TTLL7: variants seen among roughly 807,000 people sequenced by gnomAD.
TTLL7 encodes tubulin tyrosine ligase like 7.
A neutral mutation model predicts 120.2 loss-of-function variants in TTLL7; 53 were observed. That is an observed-to-expected ratio of 0.44 (90% CI 0.35 to 0.55). TTLL7 has a LOEUF of 0.55. TTLL7 is among the 20% of genes least tolerant of loss of function. The pLI is 0.00. For missense variants in TTLL7, 803 were observed against 1,054.7 expected, an observed-to-expected ratio of 0.76 and a Z score of 3.31; for synonymous variants, 353 against 351.7, an observed-to-expected ratio of 1.00 and a Z score of -0.04.
chr1:83,975,346 C>G (rs988650144), intron 1 of TTLL7, among the ~76,000 whole-genome samples: 7 of 152,054 alleles, frequency 4.6e-5, no homozygotes, highest in Non-Finnish European at 7.4e-5. Context: ...CAGTCAAGTT[C>G]GAGACCCACT....
intron 1 of TTLL7, among the ~76,000 whole-genome samples, chr1:83,977,672 G>A (rs1186451866): frequency 1.3e-5 from 2 of 152,078 alleles, no homozygotes; most frequent in Non-Finnish European, 2.9e-5. Flanking sequence ...CATATGCCAA[G>A]TATTTCCCCT....
chr1:83,989,686 GT>G (rs1000696391), intron 1 of TTLL7, among the ~76,000 whole-genome samples: 1 of 151,998 alleles, frequency 6.6e-6, no homozygotes, highest in African/African-American at 2.4e-5. Flanking sequence ...TTTTTGTTTT[GT>G]TTTGTTTTTT....
At chr1:83,912,626 G>T (rs187919738) in intron 14 of TTLL7, 2 of 152,226 alleles carry the variant, frequency 1.3e-5, no homozygotes, top group Admixed American at 6.6e-5. Flanking sequence ...TAAAAATAAA[G>T]ACAGAAATAG....
At chr1:83,994,701 G>A (rs1026041513) in intron 1 of TTLL7, among the ~76,000 whole-genome samples, 1 of 152,186 alleles carries the variant, frequency 6.6e-6, no homozygotes, top group African/African-American at 2.4e-5. Context: ...TCTGTCAACT[G>A]TCCCTCCCTT....
intron 20 of TTLL7, among the ~76,000 whole-genome samples, chr1:83,870,530 C>G (rs1332266281): frequency 1.3e-5 from 2 of 152,030 alleles, no homozygotes; most frequent in Admixed American, 6.6e-5. Flanking sequence ...TATAGGTAAC[C>G]TAATAGAAAA....
In TTLL7 at chr1:83,890,421, C is replaced by T; in HGVS notation, c.2269G>A (p.Asp757Asn). The change falls in exon 19 of 21, where the codon GAT becomes AAT. Residue 757 changes from aspartate to asparagine, a missense_variant. By Grantham distance (23) the Asp-to-Asn change is conservative (BLOSUM62 1). Coordinates refer to ENST00000260505, the MANE Select transcript of TTLL7 (RefSeq NM_024686.6). ...TVLPRIWKVP[D>N]VEEVNLYRIF... Reference sequence around the variant, plus strand: ...CGATATAAATTTACTTCTTCAACATCAGGCACCTTCCAGATGCGTGGAAGA... The same window carrying T: ...CGATATAAATTTACTTCTTCAACATTAGGCACCTTCCAGATGCGTGGAAGA... The T allele has an allele frequency of 6.2e-7, 1 of 1,613,266 alleles. No individual in the cohort carries two copies. Among genetic ancestry groups the T allele is most frequent in the African/African-American group, 1.3e-5 (1 of 74,988 alleles).
At chr1:83,904,006 A>G (rs1483822089) in intron 18 of TTLL7, 73 bp downstream of exon 18, 4 of 1,120,104 alleles carry the variant, frequency 3.6e-6, no homozygotes, top group African/African-American at 3.1e-5. Flanking sequence ...CAGTCTGTCT[A>G]TGAATTTGGC....
rs1657288022 is a variant in TTLL7 at position 83,907,436 on chromosome 1, G to A, written c.1992+20C>T. ...TACAGAGCTCCCTGTAATCTTGAAA[G>A]AGCAAAACAGATGACCTACCACTTG... On this transcript the variant is annotated intron_variant, in intron 16 of 20. Transcript: ENST00000260505. 1.2e-6 allele frequency: 2 copies of A among 1,609,482 alleles called. No homozygotes were observed. The highest frequency in any genetic ancestry group is 1.7e-6 in the Non-Finnish European group (2 of 1,177,108).
intron 2 of TTLL7, 93 bp downstream of exon 2, chr1:83,952,094 G>C: frequency 6.9e-7 from 1 of 1,441,846 alleles, no homozygotes; most frequent in East Asian, 2.4e-5. Flanking sequence ...ACTTTAAAAA[G>C]TCCCCAATTA....
intron 1 of TTLL7, among the ~76,000 whole-genome samples, chr1:83,977,515 T>C (rs1651601157): frequency 1.3e-5 from 2 of 152,192 alleles, no homozygotes; most frequent in African/African-American, 2.4e-5. Context: ...TTTTACTTTA[T>C]GCAGCCTGAC....
intron 19 of TTLL7, among the ~76,000 whole-genome samples, chr1:83,888,714 T>G (rs565759744): frequency 6.7e-6 from 1 of 149,880 alleles, no homozygotes; most frequent in East Asian, 2.0e-4. Flanking sequence ...AAACAATGAG[T>G]TTTTTCTGGA....
chr1:83,945,412 T>C (rs1648390115), intron 6 of TTLL7, among the ~76,000 whole-genome samples: 1 of 152,202 alleles, frequency 6.6e-6, no homozygotes. Flanking sequence ...CAAAAATATG[T>C]AACAATTGGA....
At chr1:83,929,107 A>G in intron 10 of TTLL7, 29 bp downstream of exon 10, 1 of 1,473,450 alleles carries the variant, frequency 6.8e-7, no homozygotes, top group Non-Finnish European at 9.3e-7. Context: ...GTGGAGATAA[A>G]TGTCCAAAAG....
chr1:83,998,901 CG>C (rs1368692107), intron 1 of TTLL7, 29 bp downstream of exon 1: 5 of 374,018 alleles, frequency 1.3e-5, no homozygotes, highest in East Asian at 2.1e-4. Context: ...GGAAGGGGGT[CG>C]GGGGAGGATG....
intron 18 of TTLL7, chr1:83,900,160 C>CT: frequency 2.2e-6 from 1 of 448,992 alleles, no homozygotes; most frequent in East Asian, 7.1e-5. Context: ...ATAGCACTGT[C>CT]TTATTATTGC....
chr1:83,934,515 G>C (rs564753120), intron 8 of TTLL7, among the ~76,000 whole-genome samples: 1 of 152,198 alleles, frequency 6.6e-6, no homozygotes, highest in South Asian at 2.1e-4. Flanking sequence ...TTTTATCTGA[G>C]AAGACTGTTA....
intron 3 of TTLL7, among the ~76,000 whole-genome samples, chr1:83,950,633 T>C (rs180793004): frequency 4.5e-4 from 68 of 152,330 alleles, no homozygotes; most frequent in African/African-American, 1.5e-3. Context: ...AATTAACATA[T>C]TGGCATTTTT....
intron 10 of TTLL7, 56 bp downstream of exon 10, chr1:83,929,080 A>C: frequency 9.6e-6 from 11 of 1,145,022 alleles, no homozygotes; most frequent in Non-Finnish European, 1.4e-5. Flanking sequence ...TGTACAAATG[A>C]TTAATCTATG....
chr1:83,904,057 A>T (rs1281748329), intron 18 of TTLL7, 22 bp downstream of exon 18: 1 of 1,592,170 alleles, frequency 6.3e-7, no homozygotes, highest in African/African-American at 1.3e-5. Context: ...GAGGGAAAAA[A>T]CTTGTTTTGA....
Sources: gnomAD v4.1 joint callset for allele counts (sites outside exome capture counted in the v4.1 genomes callset) on GRCh38, gnomAD v4.1.1 for gene constraint, MANE v1.5 for transcripts, NCBI Gene and HGNC (gene_info 2026-07-23, HGNC 2026-07-21) for gene names.